NDST4: variants seen among roughly 807,000 people sequenced by gnomAD.
NDST4 encodes N-heparan sulfate sulfotransferase 4.
A neutral mutation model predicts 100.8 loss-of-function variants in NDST4; 63 were observed. The observed-to-expected ratio is 0.62, with a 90% confidence interval of 0.51 to 0.77. The LOEUF (loss-of-function observed/expected upper bound fraction) is 0.77. Ranked by LOEUF, NDST4 falls within the 30% of genes least tolerant of loss-of-function variation. The probability of loss-of-function intolerance (pLI) is 0.00; values close to 1 mark genes in which losing one functional copy is unlikely to be tolerated. For missense variants in NDST4, 943 were observed against 1,018.4 expected (o/e 0.93, Z 1.01); for synonymous variants, 377 against 361.8 (o/e 1.04, Z -0.48).
At chr4:115,070,860 C>T (rs995302211) in intron 2 of NDST4, among the ~76,000 whole-genome samples, 5 of 152,012 alleles carry the variant, frequency 3.3e-5, no homozygotes, top group Admixed American at 1.3e-4. Context: ...ATCCCAGCAA[C>T]TTGGGAGACC....
chr4:114,988,892 A>G (rs1726973462), intron 2 of NDST4, among the ~76,000 whole-genome samples: 1 of 152,208 alleles, frequency 6.6e-6, no homozygotes, highest in African/African-American at 2.4e-5. Flanking sequence ...TATAGAAACT[A>G]GAAGAAAAAC....
At chr4:114,989,204 C>G (rs1328482555) in intron 2 of NDST4, among the ~76,000 whole-genome samples, 1 of 152,114 alleles carries the variant, frequency 6.6e-6, no homozygotes, top group Non-Finnish European at 1.5e-5. Flanking sequence ...AACAGCAATA[C>G]CAAAAATGCA....
At chr4:115,096,966 G>T (rs542278677) in intron 1 of NDST4, among the ~76,000 whole-genome samples, 2 of 151,860 alleles carry the variant, frequency 1.3e-5, no homozygotes, top group Non-Finnish European at 2.9e-5. Context: ...CCTATAAGCG[G>T]CATTTTATAC....
rs138530946 is a variant in NDST4 at position 114,961,336 on chromosome 4, A to G, written c.1221+9094T>C. On this transcript the variant is annotated intron_variant, in intron 4 of 13. Transcript: ENST00000264363. Reference sequence around the variant, plus strand: ...AAATATAAAGCAATTAGAAGGAAAGAAATAATAAAGATTAGAACAGAAATT... The same window carrying G: ...AAATATAAAGCAATTAGAAGGAAAGGAATAATAAAGATTAGAACAGAAATT... Among the ~76,000 whole-genome samples the G allele has an allele frequency of 6.6e-5, 10 of 152,212 alleles. No individual in the cohort carries two copies. The East Asian group carries it at 9.6e-4, about 15-fold the overall frequency.
At chr4:114,967,723 C>T (rs546014900) in intron 4 of NDST4, among the ~76,000 whole-genome samples, 7 of 152,082 alleles carry the variant, frequency 4.6e-5, no homozygotes, top group Non-Finnish European at 1.0e-4. Flanking sequence ...GAAGCAGTAC[C>T]ACATTTATGA....
chr4:114,904,628 A>G (rs1302897615), intron 6 of NDST4, among the ~76,000 whole-genome samples: 4 of 151,924 alleles, frequency 2.6e-5, no homozygotes, highest in Non-Finnish European at 5.9e-5. Flanking sequence ...TGAATGTTAT[A>G]TGGATTTTTT....
chr4:114,827,901 T>G lies in NDST4; in HGVS notation c.2534A>C (p.His845Pro), dbSNP rs756436209. Residue 845 changes from histidine to proline, a missense_variant, in exon 14 of 14, where the codon CAT becomes CCT. Physicochemically the swap from His to Pro is moderately conservative, Grantham distance 77 (BLOSUM62 -2). Transcript: ENST00000264363. ...TAGCAGTTTGGATAGTTCCACATTATGATCTCGGTAGTAATTAGAGAGGAA... is the reference window on the plus strand; with the variant it reads ...TAGCAGTTTGGATAGTTCCACATTAGGATCTCGGTAGTAATTAGAGAGGAA... The part of the protein sequence containing the change: ...RTFLSNYYRD[H>P]NVELSKLLHR... 5.6e-6 allele frequency: 9 copies of G among 1,611,184 alleles called. No individual in the cohort carries two copies. The South Asian group carries it at 1.0e-4, about 18-fold the overall frequency.
intron 6 of NDST4, among the ~76,000 whole-genome samples, chr4:114,923,302 C>G (rs904304371): frequency 2.6e-5 from 4 of 151,676 alleles, no homozygotes. Flanking sequence ...TGAGGAATAA[C>G]CAGAGGGACA....
At chr4:115,002,137 A>C (rs1727304620) in intron 2 of NDST4, among the ~76,000 whole-genome samples, 3 of 152,188 alleles carry the variant, frequency 2.0e-5, no homozygotes, top group African/African-American at 7.2e-5. Context: ...AAGGGTTCTT[A>C]TTTCTCCACA....
chr4:115,032,648 T>C (rs1718978098), intron 2 of NDST4, among the ~76,000 whole-genome samples: 1 of 152,160 alleles, frequency 6.6e-6, no homozygotes, highest in Non-Finnish European at 1.5e-5. Context: ...GTTTCCATTG[T>C]AATCTTCATG....
intron 7 of NDST4, among the ~76,000 whole-genome samples, chr4:114,853,631 A>G (rs1723726962): frequency 6.6e-6 from 1 of 152,216 alleles, no homozygotes; most frequent in Admixed American, 6.5e-5. Context: ...TTGGTGACCT[A>G]CACAATAATT....
At chr4:114,918,813 C>T (rs1231953773) in intron 6 of NDST4, among the ~76,000 whole-genome samples, 1 of 152,142 alleles carries the variant, frequency 6.6e-6, no homozygotes, top group Non-Finnish European at 1.5e-5. Context: ...TAGGGGAGCA[C>T]TTTCTCTATT....
chr4:114,907,945 T>G (rs1724985923), intron 6 of NDST4, among the ~76,000 whole-genome samples: 1 of 152,312 alleles, frequency 6.6e-6, no homozygotes, highest in South Asian at 2.1e-4. Flanking sequence ...GGAGCTATAC[T>G]GAGAAGTTTA....
At chr4:115,004,501 C>T (rs1232613120) in intron 2 of NDST4, among the ~76,000 whole-genome samples, 1 of 151,986 alleles carries the variant, frequency 6.6e-6, no homozygotes, top group Admixed American at 6.6e-5. Flanking sequence ...CTATGTACAA[C>T]GAAGGCAATA....
At chr4:115,112,433 CTG>C (rs888879970) in intron 1 of NDST4, among the ~76,000 whole-genome samples, 9 of 151,766 alleles carry the variant, frequency 5.9e-5, no homozygotes, top group African/African-American at 1.9e-4. Context: ...ATTTATGAAA[CTG>C]TGCAAATGAA....
chr4:114,939,066 A>T (rs1488848719), intron 4 of NDST4, among the ~76,000 whole-genome samples: 5 of 152,216 alleles, frequency 3.3e-5, no homozygotes, highest in Non-Finnish European at 5.9e-5. Context: ...GACAGGCAAC[A>T]GTTGTTACCC....
chr4:114,874,860 T>C (rs2126198448), intron 6 of NDST4, among the ~76,000 whole-genome samples: 1 of 152,292 alleles, frequency 6.6e-6, no homozygotes, highest in South Asian at 2.1e-4. Context: ...TTTTATATAT[T>C]TATTTTGATT....
intron 11 of NDST4, among the ~76,000 whole-genome samples, chr4:114,836,391 G>A (rs1723305805): frequency 6.6e-6 from 1 of 152,136 alleles, no homozygotes; most frequent in African/African-American, 2.4e-5. Context: ...GGCTAAATAT[G>A]AAATTCTTTT....
chr4:114,870,393 C>T (rs1724122287), intron 7 of NDST4, among the ~76,000 whole-genome samples: 1 of 152,054 alleles, frequency 6.6e-6, no homozygotes, highest in South Asian at 2.1e-4. Flanking sequence ...ATCTTAGATT[C>T]CAGTGGCTCT....
Sources: gnomAD v4.1 joint callset for allele counts (sites outside exome capture counted in the v4.1 genomes callset) on GRCh38, gnomAD v4.1.1 for gene constraint, MANE v1.5 for transcripts, NCBI Gene and HGNC (gene_info 2026-07-23, HGNC 2026-07-21) for gene names.